Variants in DNAH11 observed in about 807,000 individuals in gnomAD.
DNAH11 encodes dynein axonemal heavy chain 11.
DNAH11 carries 442 observed loss-of-function variants against 526.0 expected under a neutral mutation model. The ratio of observed to expected loss-of-function variants is 0.84; its 90% CI spans 0.78 to 0.91. DNAH11 has a LOEUF of 0.91. DNAH11 is among the 40% of genes least tolerant of loss of function. The pLI is 0.00. For synonymous variants in DNAH11, 2,461 were observed against 1,935.9 expected, an observed-to-expected ratio of 1.27 and a Z score of -7.12; for missense variants, 6,989 against 5,448.7, an observed-to-expected ratio of 1.28 and a Z score of -8.90.
intron 75 of DNAH11, 36 bp downstream of exon 75, chr7:21,880,929 G>A: frequency 1.3e-6 from 2 of 1,538,252 alleles, no homozygotes; most frequent in Non-Finnish European, 1.7e-6. Flanking sequence ...CTTCCAAGGA[G>A]TTTACAAAGC....
At chr7:21,621,415 C>A (rs1786048380) in intron 25 of DNAH11, among the ~76,000 whole-genome samples, 1 of 152,080 alleles carries the variant, frequency 6.6e-6, no homozygotes, top group South Asian at 2.1e-4. Context: ...TGGTACCATT[C>A]CTTCTGAAAC....
chr7:21,900,911 A>T, intron 81 of DNAH11, 96 bp from the exon 82 acceptor site: 2 of 1,474,392 alleles, frequency 1.4e-6, no homozygotes, highest in Non-Finnish European at 1.8e-6. Flanking sequence ...TGACAAAACC[A>T]GAATGTTGAA....
chr7:21,838,905 G>T (rs1782097558), intron 65 of DNAH11, among the ~76,000 whole-genome samples: 1 of 151,906 alleles, frequency 6.6e-6, no homozygotes, highest in Non-Finnish European at 1.5e-5. Context: ...TAATTTTAAG[G>T]AATGGCCAAA....
intron 45 of DNAH11, among the ~76,000 whole-genome samples, chr7:21,727,979 G>A (rs969462338): frequency 1.6e-4 from 24 of 152,140 alleles, no homozygotes; most frequent in Non-Finnish European, 3.1e-4. Flanking sequence ...GTCTCCCTGT[G>A]TGTCTAAATT....
At chr7:21,641,175 C>G (rs1645674937) in intron 28 of DNAH11, among the ~76,000 whole-genome samples, 1 of 152,200 alleles carries the variant, frequency 6.6e-6, no homozygotes, top group Admixed American at 6.5e-5. Context: ...AGGGGCACAT[C>G]AAAGATTCAC....
chr7:21,667,378 G>C (rs1241845434), intron 30 of DNAH11, among the ~76,000 whole-genome samples: 2 of 152,062 alleles, frequency 1.3e-5, no homozygotes, highest in Admixed American at 6.6e-5. Context: ...AGTCTCTTCT[G>C]CATGCACGCA....
chr7:21,898,101 C>T (rs1360239348), intron 79 of DNAH11, among the ~76,000 whole-genome samples: 1 of 152,192 alleles, frequency 6.6e-6, no homozygotes, highest in Non-Finnish European at 1.5e-5. Context: ...CCTTCTAAGT[C>T]ATGATCTTGT....
chr7:21,558,399 C>T (rs1477325064), intron 2 of DNAH11, among the ~76,000 whole-genome samples: 1 of 152,184 alleles, frequency 6.6e-6, no homozygotes, highest in East Asian at 1.9e-4. Context: ...TGGGATGCCA[C>T]CTAGGGCTTG....
At chr7:21,788,771 C>T (rs1788304795) in intron 60 of DNAH11, among the ~76,000 whole-genome samples, 1 of 152,192 alleles carries the variant, frequency 6.6e-6, no homozygotes, top group Non-Finnish European at 1.5e-5. Context: ...ATGATCTCAG[C>T]ATTGGCTATA....
intron 63 of DNAH11, among the ~76,000 whole-genome samples, chr7:21,812,992 A>T (rs1054526454): frequency 1.3e-5 from 2 of 152,124 alleles, no homozygotes; most frequent in African/African-American, 4.8e-5. Context: ...CAAGACTAAG[A>T]TACTGAAGGG....
chr7:21,650,679 T>A (rs12154731), intron 28 of DNAH11, among the ~76,000 whole-genome samples: 17 of 151,252 alleles, frequency 1.1e-4, no homozygotes, highest in Middle Eastern at 3.2e-3. Flanking sequence ...CGTTCTTGTC[T>A]CCCAGGCTGG....
chr7:21,712,205 TGTA>T (rs1282397625), intron 42 of DNAH11, among the ~76,000 whole-genome samples: 2 of 152,236 alleles, frequency 1.3e-5, no homozygotes, highest in Non-Finnish European at 2.9e-5. Flanking sequence ...AGCAGCATAT[TGTA>T]GTATTTCCTT....
chr7:21,748,443 C>T (rs1450361165), intron 51 of DNAH11, 137 bp from the exon 52 acceptor site: 33 of 953,488 alleles, frequency 3.5e-5, no homozygotes, highest in Non-Finnish European at 4.3e-5. Flanking sequence ...GAGCCAAGAT[C>T]GCGCCACTGC....
chr7:21,543,566 C>T lies in DNAH11; in HGVS notation c.321C>T (p.Ala107=), dbSNP rs1562648746. ...CGGCTTGCCTTGTGTTTAGCTTCGC[C>T]GCCTCGGGGCGCCTTGCGGCTTCCC... is the stretch of plus-strand genomic sequence containing the variant. ...TSPACLVFSF[A]ASGRLAASQE... The change falls in exon 1 of 82, where the codon GCC becomes GCT. Residue 107 remains alanine (A), a synonymous_variant. Transcript: ENST00000409508. The T allele has an allele frequency of 6.2e-7, 1 of 1,601,456 alleles. No homozygotes were observed.
At position 21,861,958 on chromosome 7, in the gene DNAH11, C is replaced by A. The variant is rs1385858242; in HGVS notation, c.11308C>A (p.Leu3770Ile). 9 of 1,613,562 alleles carry A rather than the reference C, an allele frequency of 5.6e-6. No individual in the cohort carries two copies. Among genetic ancestry groups the A allele is most frequent in the Non-Finnish European group, 7.6e-6 (9 of 1,179,776 alleles). Residue 3770 changes from leucine to isoleucine, a missense_variant, in exon 69 of 82, where the codon CTC becomes ATC. Leu to Ile is a conservative substitution (Grantham distance 5, BLOSUM62 2). Transcript: ENST00000409508. Reference sequence around the variant, plus strand: ...GGAGAGCATCACCCATGCTGTCTTCCTCTACACCAGCCAGGCGCTGTTTGA... The same window carrying A: ...GGAGAGCATCACCCATGCTGTCTTCATCTACACCAGCCAGGCGCTGTTTGA... The part of the protein sequence containing the change: ...LMESITHAVF[L>I]YTSQALFEKD...
intron 65 of DNAH11, among the ~76,000 whole-genome samples, chr7:21,827,366 A>G (rs896770424): frequency 3.3e-5 from 5 of 152,166 alleles, no homozygotes; most frequent in African/African-American, 1.2e-4. Context: ...TGATCTGGGA[A>G]GCATCTTCAT....
chr7:21,884,527 C>G, intron 76 of DNAH11, 117 bp downstream of exon 76: 1 of 1,146,020 alleles, frequency 8.7e-7, no homozygotes, highest in Non-Finnish European at 1.2e-6. Context: ...GATGCTTGGC[C>G]TTTTGGGAAA....
chr7:21,789,704 T>C (rs895834890), intron 61 of DNAH11, among the ~76,000 whole-genome samples: 1 of 152,188 alleles, frequency 6.6e-6, no homozygotes, highest in Admixed American at 6.5e-5. Context: ...AGTTAACCTC[T>C]ATGAGCCTCT....
At chr7:21,898,918 C>T (rs1784631097) in intron 79 of DNAH11, among the ~76,000 whole-genome samples, 1 of 152,218 alleles carries the variant, frequency 6.6e-6, no homozygotes, top group African/African-American at 2.4e-5. Flanking sequence ...GATTTCCCGG[C>T]AACTCTGGTC....
Sources: gnomAD v4.1 joint callset for allele counts (sites outside exome capture counted in the v4.1 genomes callset) on GRCh38, gnomAD v4.1.1 for gene constraint, MANE v1.5 for transcripts, NCBI Gene and HGNC (gene_info 2026-07-23, HGNC 2026-07-21) for gene names.